The following SGCZ variants were observed in gnomAD, a reference collection of about 807,000 sequenced individuals.
SGCZ encodes the protein sarcoglycan zeta.
A neutral mutation model predicts 41.3 loss-of-function variants in SGCZ; 40 were observed. That is an observed-to-expected ratio of 0.97 (90% CI 0.75 to 1.26). The LOEUF (loss-of-function observed/expected upper bound fraction) is 1.26, where lower values mean the gene tolerates loss of function less well. Among genes scored for constraint, SGCZ ranks in the 50% most tolerant of loss-of-function variants. The pLI is 0.00. For synonymous variants in SGCZ, 206 were observed against 137.5 expected (o/e 1.50, Z -3.49); for missense variants, 552 against 369.8 (o/e 1.49, Z -4.04).
intron 1 of SGCZ, among the ~76,000 whole-genome samples, chr8:14,723,524 C>T (rs879394736): frequency 9.2e-5 from 14 of 152,104 alleles, no homozygotes; most frequent in East Asian, 1.9e-4. Context: ...GACAGCTCCA[C>T]GGAGCCTGGC....
At chr8:14,464,260 CAGG>C (rs1167944947) in intron 2 of SGCZ, among the ~76,000 whole-genome samples, 1 of 150,492 alleles carries the variant, frequency 6.6e-6, no homozygotes, top group African/African-American at 2.5e-5. Flanking sequence ...TTTTCTTTGT[CAGG>C]AGATTTTTTT....
intron 4 of SGCZ, among the ~76,000 whole-genome samples, chr8:14,181,075 G>A (rs1456876994): frequency 1.3e-5 from 2 of 152,286 alleles, no homozygotes; most frequent in African/African-American, 4.8e-5. Context: ...GGGAAGCCAT[G>A]TGTGATAGTC....
Position 14,251,030 on chromosome 8 carries a change from C to T in SGCZ, c.337-13351G>A, listed in dbSNP as rs577532152. On this transcript the variant is annotated intron_variant, in intron 3 of 7. Transcript: ENST00000382080. ...ATCACCTGAGGTCAGGAGCTCAAGA[C>T]CAGCCTGGCCAACATGGCGAAACCC... is the stretch of plus-strand genomic sequence containing the variant. 1.7e-3 allele frequency among the ~76,000 whole-genome samples: 263 copies of T among 152,232 alleles called. 1 individual carries two copies. The highest frequency in any genetic ancestry group is 3.1e-3 in the Non-Finnish European group (208 of 68,018).
intron 1 of SGCZ, among the ~76,000 whole-genome samples, chr8:14,996,421 A>G (rs1431898333): frequency 6.6e-6 from 1 of 152,142 alleles, no homozygotes; most frequent in Non-Finnish European, 1.5e-5. Context: ...TTGTTTTGAA[A>G]GATGGTGTCC....
chr8:14,602,170 A>G (rs1160837989), intron 1 of SGCZ, among the ~76,000 whole-genome samples: 1 of 152,136 alleles, frequency 6.6e-6, no homozygotes, highest in Non-Finnish European at 1.5e-5. Flanking sequence ...TGATGTGGAT[A>G]TATGGTAATT....
chr8:14,702,111 A>G (rs1162670796), intron 1 of SGCZ, among the ~76,000 whole-genome samples: 1 of 151,726 alleles, frequency 6.6e-6, no homozygotes, highest in Non-Finnish European at 1.5e-5. Context: ...ATCCCCCGCC[A>G]TTTTCAAATT....
intron 3 of SGCZ, among the ~76,000 whole-genome samples, chr8:14,251,042 A>G (rs1472572239): frequency 1.3e-5 from 2 of 152,190 alleles, no homozygotes; most frequent in Admixed American, 1.3e-4. Flanking sequence ...AGCCTGGCCA[A>G]CATGGCGAAA....
intron 3 of SGCZ, among the ~76,000 whole-genome samples, chr8:14,303,529 A>G (rs17231019): frequency 0.22 from 33,050 of 152,050 alleles, 4,748 homozygotes; most frequent in Non-Finnish European, 0.32. Flanking sequence ...AAAGACAAAC[A>G]TTGCTTCAGT....
At chr8:14,190,679 T>C (rs1805072399) in intron 4 of SGCZ, among the ~76,000 whole-genome samples, 1 of 152,066 alleles carries the variant, frequency 6.6e-6, no homozygotes, top group Non-Finnish European at 1.5e-5. Flanking sequence ...CTCGGCTCAC[T>C]ACAACCTCCA....
Position 14,090,194 on chromosome 8 carries a change from C to T in SGCZ, c.*249G>A, listed in dbSNP as rs536303358. 51 of 336,724 alleles carry T rather than the reference C, an allele frequency of 1.5e-4. No homozygotes were observed. In the South Asian group the frequency reaches 2.2e-3, roughly 15 times the overall value. The allele number at this position is 336,724 out of a possible 1,614,324, so 20.9% of individuals were successfully genotyped here. On this transcript the variant is annotated 3_prime_UTR_variant, in exon 8 of 8. Coordinates refer to ENST00000382080, the MANE Select transcript of SGCZ (RefSeq NM_139167.4). ...AAGGCACCTATGTTATTCTCCCTTTCGAGCAAAAGTCATGATCCAGTTTTC... is the reference window on the plus strand; with the variant it reads ...AAGGCACCTATGTTATTCTCCCTTTTGAGCAAAAGTCATGATCCAGTTTTC...
chr8:14,727,671 C>T (rs1246955429), intron 1 of SGCZ, among the ~76,000 whole-genome samples: 5 of 151,808 alleles, frequency 3.3e-5, no homozygotes, highest in East Asian at 1.9e-4. Flanking sequence ...CCACCACGCC[C>T]GGCTAATTTT....
chr8:15,062,011 T>C, intron 1 of SGCZ, among the ~76,000 whole-genome samples: 1 of 152,190 alleles, frequency 6.6e-6, no homozygotes, highest in East Asian at 1.9e-4. Flanking sequence ...TATGAAAGAA[T>C]TAGACCAGTA....
At chr8:14,919,901 G>A (rs1016647026) in intron 1 of SGCZ, among the ~76,000 whole-genome samples, 1 of 152,268 alleles carries the variant, frequency 6.6e-6, no homozygotes, top group South Asian at 2.1e-4. Flanking sequence ...CTGGGTAACA[G>A]AGTGAGACTC....
chr8:14,850,726 G>T (rs1170627062), intron 1 of SGCZ, among the ~76,000 whole-genome samples: 1 of 152,172 alleles, frequency 6.6e-6, no homozygotes, highest in Non-Finnish European at 1.5e-5. Context: ...GGAGAGACCA[G>T]GTGGAGGTAA....
At chr8:14,230,353 A>T (rs535391382) in intron 4 of SGCZ, among the ~76,000 whole-genome samples, 1 of 152,152 alleles carries the variant, frequency 6.6e-6, no homozygotes, top group African/African-American at 2.4e-5. Context: ...TAACTTATAC[A>T]TAATGCATAC....
intron 1 of SGCZ, among the ~76,000 whole-genome samples, chr8:15,192,053 T>C (rs1800559044): frequency 6.6e-6 from 1 of 152,120 alleles, no homozygotes; most frequent in Non-Finnish European, 1.5e-5. Flanking sequence ...TAGCACTTCA[T>C]AATTAGAGCT....
intron 2 of SGCZ, among the ~76,000 whole-genome samples, chr8:14,374,059 C>T (rs905596836): frequency 1.3e-5 from 2 of 152,080 alleles, no homozygotes; most frequent in Admixed American, 1.3e-4. Context: ...TGGAGACTTG[C>T]TAGTTTAAAG....
intron 4 of SGCZ, among the ~76,000 whole-genome samples, chr8:14,211,651 G>GAA (rs1491232497): frequency 1.5e-4 from 14 of 96,358 alleles, no homozygotes; most frequent in African/African-American, 2.2e-4. Context: ...AATTAAGCAG[G>GAA]AGAGAGAGAG....
chr8:14,794,255 G>A (rs1179438223), intron 1 of SGCZ, among the ~76,000 whole-genome samples: 24 of 151,928 alleles, frequency 1.6e-4, no homozygotes, highest in Admixed American at 1.6e-3. Flanking sequence ...GCTAACCAAA[G>A]AAAACAGTAA....
Sources: gnomAD v4.1 joint callset for allele counts (sites outside exome capture counted in the v4.1 genomes callset) on GRCh38, gnomAD v4.1.1 for gene constraint, MANE v1.5 for transcripts, NCBI Gene and HGNC (gene_info 2026-07-23, HGNC 2026-07-21) for gene names.